NKAIN3: variants seen among roughly 807,000 people sequenced by gnomAD.
NKAIN3 encodes sodium/potassium transporting ATPase interacting 3.
NKAIN3 carries 25 observed loss-of-function variants against 30.2 expected under a neutral mutation model. The observed-to-expected ratio is 0.83, with a 90% CI of 0.60 to 1.16. NKAIN3 has a LOEUF of 1.16. NKAIN3 is among the 50% of genes most tolerant of loss of function. NKAIN3 has a pLI of 0.00. For synonymous variants in NKAIN3, 91 were observed against 89.6 expected, an observed-to-expected ratio of 1.02 and a Z score of -0.09; for missense variants, 225 against 254.1, an observed-to-expected ratio of 0.89 and a Z score of 0.78.
At chr8:62,381,585 T>C (rs773981997) in intron 1 of NKAIN3, among the ~76,000 whole-genome samples, 2 of 152,100 alleles carry the variant, frequency 1.3e-5, no homozygotes, top group East Asian at 3.9e-4. Flanking sequence ...CATATATCTT[T>C]TCCCAAAGCC....
rs1444562184 is a variant in NKAIN3 at position 62,967,346 on chromosome 8, A to G, written c.*1939A>G. ...CTCTGCACTACAGTTTTCCTCATCA[A>G]TGAAGTGGAACTATGATCCCTACCT... On this transcript the variant is annotated 3_prime_UTR_variant, in exon 7 of 7. Coordinates refer to ENST00000623646, the MANE Select transcript of NKAIN3 (RefSeq NM_001304533.3). Among the ~76,000 whole-genome samples the G allele has an allele frequency of 2.6e-5, 4 of 152,224 alleles. No individual in the cohort carries two copies. The highest frequency in any genetic ancestry group is 2.9e-5 in the Non-Finnish European group (2 of 68,044).
intron 1 of NKAIN3, among the ~76,000 whole-genome samples, chr8:62,376,092 G>A (rs974179509): frequency 6.6e-6 from 1 of 152,170 alleles, no homozygotes; most frequent in African/African-American, 2.4e-5. Context: ...AACTGCAATT[G>A]TATTAGGAGT....
intron 5 of NKAIN3, among the ~76,000 whole-genome samples, chr8:62,993,309 T>C (rs1344440372): frequency 6.6e-6 from 1 of 152,192 alleles, no homozygotes; most frequent in Non-Finnish European, 1.5e-5. Context: ...TTATTACAAA[T>C]AGTTTCGTTT....
chr8:62,378,437 G>A (rs750898470), intron 1 of NKAIN3, among the ~76,000 whole-genome samples: 65 of 152,298 alleles, frequency 4.3e-4, no homozygotes, highest in Admixed American at 1.3e-3. Flanking sequence ...AAGACTAGGG[G>A]AAAATGTCTC....
intron 1 of NKAIN3, chr8:62,383,639 A>G (rs906389063): frequency 2.4e-6 from 1 of 413,092 alleles, no homozygotes; most frequent in East Asian, 7.1e-5. Context: ...AAATTATCAA[A>G]CCATTCTTTT....
intron 1 of NKAIN3, among the ~76,000 whole-genome samples, chr8:62,249,437 C>G (rs910843191): frequency 1.3e-5 from 2 of 152,234 alleles, no homozygotes; most frequent in Admixed American, 6.5e-5. Flanking sequence ...GAGGGATTTT[C>G]CCGCCCCTTG....
rs550894906 is a variant in NKAIN3 at position 62,974,119 on chromosome 8, T to C, written c.*8712T>C. On this transcript the variant is annotated 3_prime_UTR_variant, in exon 7 of 7. Transcript: ENST00000623646. ...AGCATGATGCCTCCAGCTTTGTTCT[T>C]TTTGCTTAGGATTGTTTTGGCTATA... Among the ~76,000 whole-genome samples the C allele has an allele frequency of 6.6e-6, 1 of 152,332 alleles. No individual in the cohort carries two copies. Among genetic ancestry groups the C allele is most frequent in the African/African-American group, 2.4e-5 (1 of 41,580 alleles).
downstream of NKAIN3, among the ~76,000 whole-genome samples, chr8:62,987,637 C>T (rs1409578159): frequency 6.6e-6 from 1 of 152,068 alleles, no homozygotes; most frequent in African/African-American, 2.4e-5. Context: ...ACAGACCTCC[C>T]CCCCATGATT....
intron 3 of NKAIN3, among the ~76,000 whole-genome samples, chr8:62,665,832 T>A (rs1813081117): frequency 6.6e-6 from 1 of 152,152 alleles, no homozygotes; most frequent in African/African-American, 2.4e-5. Flanking sequence ...AGGAGGATAA[T>A]GTTGGAAGGA....
chr8:62,380,657 G>A (rs1374847875), intron 1 of NKAIN3, among the ~76,000 whole-genome samples: 2 of 152,170 alleles, frequency 1.3e-5, no homozygotes, highest in African/African-American at 4.8e-5. Context: ...TCTAAAGTTT[G>A]TTAGATAAGC....
At chr8:62,986,420 C>G (rs553630627), downstream of NKAIN3, among the ~76,000 whole-genome samples, 5 of 152,322 alleles carry the variant, frequency 3.3e-5, no homozygotes, top group African/African-American at 1.2e-4. Context: ...CCCACTATCA[C>G]TGGACTGCCC....
At chr8:62,704,065 G>A (rs894352502) in intron 3 of NKAIN3, among the ~76,000 whole-genome samples, 10 of 152,098 alleles carry the variant, frequency 6.6e-5, no homozygotes, top group Non-Finnish European at 1.3e-4. Context: ...TTGAGAAATG[G>A]TCTCAAAATA....
At chr8:62,639,924 C>A (rs1180525627) in intron 3 of NKAIN3, among the ~76,000 whole-genome samples, 5 of 152,016 alleles carry the variant, frequency 3.3e-5, no homozygotes, top group African/African-American at 1.2e-4. Flanking sequence ...AATGGGAACA[C>A]AAATGTACCA....
At chr8:62,896,320 A>AG (rs1270751282) in intron 4 of NKAIN3, among the ~76,000 whole-genome samples, 7 of 152,086 alleles carry the variant, frequency 4.6e-5, no homozygotes, top group Non-Finnish European at 1.0e-4. Context: ...ACCTTCCAAA[A>AG]GCATCACCTC....
At chr8:62,949,244 C>T (rs1038720351) in intron 5 of NKAIN3, among the ~76,000 whole-genome samples, 1 of 152,186 alleles carries the variant, frequency 6.6e-6, no homozygotes, top group African/African-American at 2.4e-5. Context: ...TGCATAAAGT[C>T]AATCAGGTTT....
At chr8:62,588,633 T>G (rs1810555690) in intron 2 of NKAIN3, among the ~76,000 whole-genome samples, 3 of 151,836 alleles carry the variant, frequency 2.0e-5, no homozygotes, top group African/African-American at 7.2e-5. Flanking sequence ...TTTATAATTC[T>G]ATTGTTTGGC....
chr8:62,635,716 C>A (rs1812105112), intron 3 of NKAIN3, among the ~76,000 whole-genome samples: 1 of 152,144 alleles, frequency 6.6e-6, no homozygotes, highest in South Asian at 2.1e-4. Context: ...CCTCACAAGA[C>A]ACCAAATCTG....
intron 3 of NKAIN3, among the ~76,000 whole-genome samples, chr8:62,701,428 G>A (rs919386430): frequency 2.6e-5 from 4 of 152,156 alleles, no homozygotes; most frequent in Non-Finnish European, 5.9e-5. Flanking sequence ...AGTTTTATGG[G>A]TTGTGAGAGC....
chr8:62,460,411 C>CAAA (rs34652304), intron 1 of NKAIN3, among the ~76,000 whole-genome samples: 3 of 120,306 alleles, frequency 2.5e-5, no homozygotes, highest in African/African-American at 6.4e-5. Context: ...AATTCCATCT[C>CAAA]AAAAAAAAAA....
Sources: allele counts gnomAD v4.1 joint callset (sites outside exome capture counted in the v4.1 genomes callset), GRCh38; gene constraint gnomAD v4.1.1; transcripts MANE v1.5; gene names NCBI Gene and HGNC (gene_info 2026-07-23, HGNC 2026-07-21).